The following CAMTA1 variants were observed in gnomAD, a reference collection of about 807,000 sequenced individuals.
CAMTA1 encodes calmodulin binding transcription activator 1.
CAMTA1 carries 27 observed loss-of-function variants against 170.9 expected under a neutral mutation model. That is an observed-to-expected ratio of 0.16 (90% confidence interval 0.12 to 0.22). The LOEUF (loss-of-function observed/expected upper bound fraction) is 0.22, where lower values mean the gene tolerates loss of function less well. Ranked by LOEUF, CAMTA1 falls within the 10% of genes least tolerant of loss-of-function variation. CAMTA1 has a pLI of 1.00. For synonymous variants in CAMTA1, 833 were observed against 891.5 expected (o/e 0.93, Z 1.17); for missense variants, 1,619 against 2,217.2 (o/e 0.73, Z 5.42).
At chr1:6,926,438 C>CTTTCTT (rs1314065060) in intron 3 of CAMTA1, among the ~76,000 whole-genome samples, 32 of 126,188 alleles carry the variant, frequency 2.5e-4, no homozygotes, top group African/African-American at 4.8e-4. Flanking sequence ...TCTTTCTTTT[C>CTTTCTT]TCTTTCTTTC....
At chr1:7,408,200 C>G (rs2090439448) in intron 5 of CAMTA1, among the ~76,000 whole-genome samples, 2 of 1,066 alleles carry the variant, frequency 1.9e-3, no homozygotes, top group South Asian at 0.17. Flanking sequence ...AATCGGAGAC[C>G]AGGGCCCCCG....
intron 6 of CAMTA1, among the ~76,000 whole-genome samples, chr1:7,581,621 G>A (rs567556588): frequency 1.1e-4 from 17 of 152,358 alleles, no homozygotes; most frequent in South Asian, 6.2e-4. Context: ...AGGTGGGACC[G>A]GCCAAGAGTG....
At chr1:7,437,784 C>T (rs892582628) in intron 5 of CAMTA1, among the ~76,000 whole-genome samples, 3 of 152,158 alleles carry the variant, frequency 2.0e-5, no homozygotes, top group East Asian at 1.9e-4. Context: ...GGGTAAGTCC[C>T]GGGCCAGCAG....
intron 4 of CAMTA1, among the ~76,000 whole-genome samples, chr1:7,125,432 T>G (rs551435249): frequency 6.6e-6 from 1 of 152,200 alleles, no homozygotes; most frequent in Admixed American, 6.5e-5. Flanking sequence ...TTCGGAGTGA[T>G]TGCAATAGAG....
Position 7,736,874 on chromosome 1 carries a change from G to C in CAMTA1, c.3264-57G>C. On this transcript the variant is annotated intron_variant, in intron 13 of 22. Coordinates refer to ENST00000303635, the MANE Select transcript of CAMTA1 (RefSeq NM_015215.4). This position sits in a 1 kb window ranked among gnomAD's most constrained non-coding sequence, Gnocchi z 4.5. The stretch of plus-strand genomic sequence containing the variant: ...CTTGGTGGGGTTTTATAATATTCTG[G>C]TGTTTCCTTTTAACGGTGGTGAATA... 1 of 1,327,644 alleles carries C rather than the reference G, an allele frequency of 7.5e-7. No individual in the cohort carries two copies. The highest frequency in any genetic ancestry group is 2.3e-5 in the East Asian group (1 of 42,890). The allele number at this position is 1,327,644 out of a possible 1,614,324, so 82.2% of individuals were successfully genotyped here.
In CAMTA1 at chr1:7,148,432, C is replaced by T. The variant is rs1451608620; in HGVS notation, c.302+57061C>T. On this transcript the variant is annotated intron_variant, in intron 4 of 22. Coordinates refer to ENST00000303635, the MANE Select transcript of CAMTA1 (RefSeq NM_015215.4). ...ACACACGAATCCACCCCCTCCCCCCCCGCCACGCTCCCCGCCATGCTCCTT... is the reference window on the plus strand; with the variant it reads ...ACACACGAATCCACCCCCTCCCCCCTCGCCACGCTCCCCGCCATGCTCCTT... Among the ~76,000 whole-genome samples the T allele has an allele frequency of 4.1e-4, 62 of 152,096 alleles. No homozygotes were observed. In the East Asian group the frequency reaches 7.0e-3, roughly 17 times the overall value.
At chr1:7,079,077 A>G (rs1040589619) in intron 3 of CAMTA1, among the ~76,000 whole-genome samples, 2 of 152,212 alleles carry the variant, frequency 1.3e-5, no homozygotes, top group Non-Finnish European at 2.9e-5. Flanking sequence ...GAGCTCATAC[A>G]GGACTCGGAG....
intron 6 of CAMTA1, among the ~76,000 whole-genome samples, chr1:7,582,406 T>C (rs974474018): frequency 2.6e-5 from 4 of 152,074 alleles, no homozygotes; most frequent in African/African-American, 9.7e-5. Context: ...TGAACGAGTC[T>C]CCAGCAGGAA....
At position 7,656,758 on chromosome 1, in the gene CAMTA1, C is replaced by T. The variant is rs545976447; in HGVS notation, c.665-4968C>T. Among the ~76,000 whole-genome samples, 6 of 152,364 alleles carry T rather than the reference C, an allele frequency of 3.9e-5. No individual in the cohort carries two copies. In the East Asian group the frequency reaches 9.7e-4, roughly 25 times the overall value. ...TAGATCTCAATTACTCTTTTCCCAG[C>T]GGTTGGCCGCCTCTTGGGTAAATTG... On this transcript the variant is annotated intron_variant, in intron 7 of 22. Transcript: ENST00000303635.
intron 5 of CAMTA1, among the ~76,000 whole-genome samples, chr1:7,391,725 C>T (rs1484970157): frequency 1.3e-5 from 2 of 152,198 alleles, no homozygotes; most frequent in Non-Finnish European, 2.9e-5. Context: ...TATAGCATTG[C>T]CTTTTCCAGA....
rs1042591728 is a variant in CAMTA1, at chr1:7,738,890, C to T, written c.4182+408C>T. On this transcript the variant is annotated intron_variant, in intron 16 of 22. Transcript: ENST00000303635. The surrounding 1 kb of genome is among the most constrained non-coding windows in gnomAD (Gnocchi z 4.9). ...AGCCCGTGGATAGATTTTGAATTATCTGAGTGACCTTGATCGGCATAGCTA... is the reference window on the plus strand; with the variant it reads ...AGCCCGTGGATAGATTTTGAATTATTTGAGTGACCTTGATCGGCATAGCTA... 1.3e-5 allele frequency among the ~76,000 whole-genome samples: 2 copies of T among 152,188 alleles called. No individual in the cohort carries two copies. The highest frequency in any genetic ancestry group is 4.8e-5 in the African/African-American group (2 of 41,444).
intron 6 of CAMTA1, among the ~76,000 whole-genome samples, chr1:7,566,842 A>T (rs2095049335): frequency 6.6e-6 from 1 of 152,238 alleles, no homozygotes; most frequent in East Asian, 1.9e-4. Flanking sequence ...GATTGGCACT[A>T]GGAGCATTTC....
chr1:7,229,733 C>T (rs76716033), intron 4 of CAMTA1, among the ~76,000 whole-genome samples: 8,669 of 151,944 alleles, frequency 0.057, 812 homozygotes, highest in African/African-American at 0.19. Flanking sequence ...TGGGCCTCAG[C>T]GTCCTTCATG....
chr1:7,366,864 G>C (rs753821975), intron 5 of CAMTA1, among the ~76,000 whole-genome samples: 4 of 152,172 alleles, frequency 2.6e-5, no homozygotes, highest in Non-Finnish European at 4.4e-5. Context: ...TTCTGATACA[G>C]CTCATCTGTC....
At chr1:7,155,389 G>GA (rs35499006) in intron 4 of CAMTA1, among the ~76,000 whole-genome samples, 5 of 150,150 alleles carry the variant, frequency 3.3e-5, no homozygotes, top group Non-Finnish European at 3.0e-5. Flanking sequence ...GGCACCGTTG[G>GA]GGGGGGGATT....
At chr1:7,053,709 C>T (rs542519323) in intron 3 of CAMTA1, among the ~76,000 whole-genome samples, 1 of 152,328 alleles carries the variant, frequency 6.6e-6, no homozygotes, top group East Asian at 1.9e-4. Context: ...GTCTTGCCTG[C>T]AATGCCCTTC....
chr1:7,167,154 G>A (rs1413716634), intron 4 of CAMTA1, among the ~76,000 whole-genome samples: 3 of 152,010 alleles, frequency 2.0e-5, no homozygotes, highest in Admixed American at 2.0e-4. Flanking sequence ...AGTGCTTCTT[G>A]TTCTTGTTTA....
intron 4 of CAMTA1, among the ~76,000 whole-genome samples, chr1:7,177,037 C>T (rs934634133): frequency 6.6e-6 from 1 of 152,000 alleles, no homozygotes; most frequent in Non-Finnish European, 1.5e-5. Context: ...ATAGACCATG[C>T]CCCCTCCCCT....
chr1:6,957,309 A>G (rs1455950519), intron 3 of CAMTA1, among the ~76,000 whole-genome samples: 1 of 152,090 alleles, frequency 6.6e-6, no homozygotes, highest in East Asian at 1.9e-4. Flanking sequence ...CAGCGTATTC[A>G]CTTTCTGTGG....
Sources: allele counts gnomAD v4.1 joint callset (sites outside exome capture counted in the v4.1 genomes callset), GRCh38; gene constraint gnomAD v4.1.1; non-coding constraint Gnocchi (gnomAD v3.1); transcripts MANE v1.5; gene names NCBI Gene and HGNC (gene_info 2026-07-23, HGNC 2026-07-21).